The following CRIM1 variants were observed in gnomAD, a reference collection of about 807,000 sequenced individuals.
CRIM1 encodes the protein cysteine rich transmembrane BMP regulator 1.
CRIM1 carries 32 observed loss-of-function variants against 116.4 expected under a neutral mutation model. That is an observed-to-expected ratio of 0.27 (90% confidence interval 0.21 to 0.37). The LOEUF is 0.37. Ranked by LOEUF, CRIM1 falls within the 10% of genes least tolerant of loss-of-function variation. CRIM1 has a pLI of 1.00. For synonymous variants in CRIM1, 590 were observed against 509.2 expected (o/e 1.16, Z -2.13); for missense variants, 1,331 against 1,354.8 (o/e 0.98, Z 0.28).
intron 9 of CRIM1, 134 bp downstream of exon 9, chr2:36,510,273 T>C: frequency 1.2e-6 from 1 of 802,918 alleles, no homozygotes; most frequent in Non-Finnish European, 1.9e-6. Context: ...CTTGTTTTGT[T>C]AGGTGATTCA....
At chr2:36,535,689 G>T (rs942090167) in intron 13 of CRIM1, among the ~76,000 whole-genome samples, 1 of 152,142 alleles carries the variant, frequency 6.6e-6, no homozygotes, top group East Asian at 1.9e-4. Flanking sequence ...ATTGAGATTT[G>T]TATCTGTGGA....
rs1462194664 is a variant in CRIM1, at chr2:36,551,018, A to G, written c.*2317A>G. 6.6e-6 allele frequency: 1 copy of G among 152,648 alleles called. No individual in the cohort carries two copies. The highest frequency in any genetic ancestry group is 1.5e-5 in the Non-Finnish European group (1 of 68,042). The allele number at this position is 152,648 out of a possible 1,614,324, so 9.5% of individuals were successfully genotyped here. Reference sequence around the variant, plus strand: ...ATTTCCTGAAGAATAAAATAGATATATGGCACTTGGAGTGCATCATAGTTC... The same window carrying G: ...ATTTCCTGAAGAATAAAATAGATATGTGGCACTTGGAGTGCATCATAGTTC... On this transcript the variant is annotated 3_prime_UTR_variant, in exon 17 of 17. Coordinates refer to ENST00000280527, the MANE Select transcript of CRIM1 (RefSeq NM_016441.3).
intron 1 of CRIM1, among the ~76,000 whole-genome samples, chr2:36,387,579 G>T (rs1440920524): frequency 6.6e-6 from 1 of 152,198 alleles, no homozygotes; most frequent in Non-Finnish European, 1.5e-5. Flanking sequence ...ATATAAGAGA[G>T]TTAAGGTCTG....
intron 2 of CRIM1, among the ~76,000 whole-genome samples, chr2:36,416,962 G>A (rs1172944890): frequency 6.6e-6 from 1 of 152,202 alleles, no homozygotes; most frequent in South Asian, 2.1e-4. Context: ...TCCTCAGCAT[G>A]TTGGAGGTGT....
At chr2:36,487,980 G>C (rs1679956749) in intron 7 of CRIM1, among the ~76,000 whole-genome samples, 1 of 152,028 alleles carries the variant, frequency 6.6e-6, no homozygotes, top group Non-Finnish European at 1.5e-5. Context: ...GTCAAAATAG[G>C]TTGCGATTCT....
intron 9 of CRIM1, among the ~76,000 whole-genome samples, chr2:36,511,676 G>T (rs1438534483): frequency 6.6e-6 from 1 of 152,138 alleles, no homozygotes; most frequent in Non-Finnish European, 1.5e-5. Flanking sequence ...GGACACCTTG[G>T]ACAACTGAAT....
At chr2:36,462,608 C>T (rs945649531) in intron 4 of CRIM1, among the ~76,000 whole-genome samples, 5 of 152,128 alleles carry the variant, frequency 3.3e-5, no homozygotes, top group South Asian at 2.1e-4. Context: ...CCCTGGAGCA[C>T]GTGTGTAGGC....
rs569550330 is a variant in CRIM1 at position 36,404,678 on chromosome 2, A to G, written c.505+7891A>G. ...AATTGCAACACATTTTCAATATACT[A>G]TGGGAGCTTGCTTTGTTTTTTTGTT... On this transcript the variant is annotated intron_variant, in intron 2 of 16. Transcript: ENST00000280527. Among the ~76,000 whole-genome samples the G allele has an allele frequency of 5.3e-5, 8 of 152,324 alleles. No individual in the cohort carries two copies. In the East Asian group the frequency reaches 1.5e-3, roughly 29 times the overall value.
Position 36,532,531 on chromosome 2 carries a change from A to G in CRIM1, c.2429-4821A>G, listed in dbSNP as rs181428287. Reference sequence around the variant, plus strand: ...GTATGATGCAGTCAGGTAAAGGACAATTTATCTTTGAAGACAAAGATAAAT... The same window carrying G: ...GTATGATGCAGTCAGGTAAAGGACAGTTTATCTTTGAAGACAAAGATAAAT... On this transcript the variant is annotated intron_variant, in intron 13 of 16. Transcript: ENST00000280527. Among the ~76,000 whole-genome samples, 12 of 152,312 alleles carry G rather than the reference A, an allele frequency of 7.9e-5. No individual in the cohort carries two copies. In the East Asian group the frequency reaches 1.4e-3, roughly 17 times the overall value.
intron 4 of CRIM1, among the ~76,000 whole-genome samples, chr2:36,453,790 C>T (rs968902512): frequency 2.0e-5 from 3 of 152,188 alleles, no homozygotes; most frequent in Non-Finnish European, 4.4e-5. Context: ...AAAGCAAACA[C>T]ATGCTAATTC....
chr2:36,512,529 C>G, intron 10 of CRIM1, 135 bp downstream of exon 10: 15 of 879,210 alleles, frequency 1.7e-5, no homozygotes, highest in Non-Finnish European at 2.2e-5. Flanking sequence ...TCTGTGGGAC[C>G]GTCCCACAGG....
chr2:36,474,348 C>G (rs537911746), intron 5 of CRIM1, among the ~76,000 whole-genome samples: 1 of 151,816 alleles, frequency 6.6e-6, no homozygotes, highest in Non-Finnish European at 1.5e-5. Context: ...TGTTTTGTTC[C>G]TTTGTTGCTT....
At chr2:36,540,328 T>TA (rs1345060481) in intron 14 of CRIM1, among the ~76,000 whole-genome samples, 1 of 152,136 alleles carries the variant, frequency 6.6e-6, no homozygotes, top group Non-Finnish European at 1.5e-5. Flanking sequence ...CATTGCGAGT[T>TA]ATGGTTATGC....
rs551767212 is a variant in CRIM1 at position 36,409,282 on chromosome 2, C to T, written c.505+12495C>T. Reference sequence around the variant, plus strand: ...CAGAAGCCCAGCATCATCTTTCTCTCGTTTCCACCAGTAACTATAATCTAG... The same window carrying T: ...CAGAAGCCCAGCATCATCTTTCTCTTGTTTCCACCAGTAACTATAATCTAG... On this transcript the variant is annotated intron_variant, in intron 2 of 16. Coordinates refer to ENST00000280527, the MANE Select transcript of CRIM1 (RefSeq NM_016441.3). Among the ~76,000 whole-genome samples the T allele has an allele frequency of 2.1e-4, 32 of 152,274 alleles. 1 individual carries two copies. In the South Asian group the frequency reaches 4.6e-3, roughly 22 times the overall value.
intron 1 of CRIM1, among the ~76,000 whole-genome samples, chr2:36,380,944 C>G (rs1670701466): frequency 1.3e-5 from 2 of 152,258 alleles, no homozygotes; most frequent in Non-Finnish European, 2.9e-5. Context: ...CTGCCTCACC[C>G]AAAGGGGTCG....
intron 3 of CRIM1, 70 bp downstream of exon 3, chr2:36,441,570 C>T: frequency 2.6e-6 from 4 of 1,558,938 alleles, no homozygotes; most frequent in Non-Finnish European, 3.5e-6. Context: ...TCCTCAGCCA[C>T]CCCTGGCCTC....
intron 2 of CRIM1, among the ~76,000 whole-genome samples, chr2:36,416,655 T>G (rs898098372): frequency 5.9e-5 from 9 of 152,222 alleles, no homozygotes; most frequent in Non-Finnish European, 8.8e-5. Flanking sequence ...ATAGTCCCAT[T>G]TCTTTTCAGT....
chr2:36,416,099 T>TC (rs1423052680), intron 2 of CRIM1, among the ~76,000 whole-genome samples: 1 of 152,046 alleles, frequency 6.6e-6, no homozygotes, highest in Non-Finnish European at 1.5e-5. Context: ...TCCCAGCTAC[T>TC]CAGGAGGCTG....
chr2:36,471,958 T>C (rs1240095822), intron 5 of CRIM1, among the ~76,000 whole-genome samples: 1 of 152,202 alleles, frequency 6.6e-6, no homozygotes, highest in Non-Finnish European at 1.5e-5. Flanking sequence ...GGTGTATCTA[T>C]CACCATCCAC....
Sources: allele counts gnomAD v4.1 joint callset (sites outside exome capture counted in the v4.1 genomes callset), GRCh38; gene constraint gnomAD v4.1.1; transcripts MANE v1.5; gene names NCBI Gene and HGNC (gene_info 2026-07-23, HGNC 2026-07-21).